The following CEP97 variants were observed in gnomAD, a reference collection of about 807,000 sequenced individuals.
CEP97 encodes the protein centrosomal protein of 97 kDa.
CEP97 carries 43 observed loss-of-function variants against 73.1 expected under a neutral mutation model. The ratio of observed to expected loss-of-function variants is 0.59; its 90% CI spans 0.46 to 0.76. The LOEUF (loss-of-function observed/expected upper bound fraction) is 0.76, where lower values mean the gene tolerates loss of function less well. Among genes scored for constraint, CEP97 ranks in the 30% least tolerant of loss-of-function variants. The pLI is 0.00. For synonymous variants in CEP97, 337 were observed against 370.0 expected (o/e 0.91, Z 1.02); for missense variants, 939 against 1,014.0 (o/e 0.93, Z 1.00).
At chr3:101,764,474 G>A (rs59865361) in intron 10 of CEP97, among the ~76,000 whole-genome samples, 2,416 of 152,244 alleles carry the variant, frequency 0.016, 58 homozygotes, top group African/African-American at 0.055. Context: ...AGCCAGGTGT[G>A]ATGGTGGGTG....
At chr3:101,764,631 A>C (rs1197887104) in intron 10 of CEP97, among the ~76,000 whole-genome samples, 1 of 149,070 alleles carries the variant, frequency 6.7e-6, no homozygotes. Context: ...AAAAAAAATT[A>C]GGCAGACATG....
chr3:101,757,618 C>T lies in CEP97; in HGVS notation c.1028-16C>T, dbSNP rs1166181829. 20 of 1,600,422 alleles carry T rather than the reference C, an allele frequency of 1.2e-5. No homozygotes were observed. Among genetic ancestry groups the T allele is most frequent in the African/African-American group, 2.7e-5 (2 of 74,578 alleles). On this transcript the variant is annotated splice_polypyrimidine_tract_variant and intron_variant, in intron 8 of 10. Transcript: ENST00000341893. ...AACATTTAGTGGTTTAAATGATACT[C>T]TGTTGATTCTTCTAGAACCCGTCAT...
intron 6 of CEP97, among the ~76,000 whole-genome samples, chr3:101,753,923 A>G (rs1396630918): frequency 6.6e-6 from 1 of 151,450 alleles, no homozygotes; most frequent in Non-Finnish European, 1.5e-5. Flanking sequence ...TCCTCTGCCC[A>G]CCGTCTGGCA....
intron 6 of CEP97, among the ~76,000 whole-genome samples, chr3:101,749,042 G>A (rs559190610): frequency 2.0e-4 from 30 of 152,040 alleles, no homozygotes; most frequent in African/African-American, 6.8e-4. Flanking sequence ...TGTGCACAAC[G>A]TGCAGGTTAG....
rs915235526 is a variant in CEP97, at chr3:101,765,165, G to C, written c.2212G>C (p.Asp738His). 3 of 1,614,168 alleles carry C rather than the reference G, an allele frequency of 1.9e-6. No homozygotes were observed. Among genetic ancestry groups the C allele is most frequent in the Non-Finnish European group, 2.5e-6 (3 of 1,180,036 alleles). The change falls in exon 11 of 11, where the codon GAC (aspartate) becomes CAC (histidine). Residue 738 changes from aspartate to histidine, a missense_variant. Transcript: ENST00000341893. ...SESSIMGNSI[D>H]TVRYGKESDL... ...AAGCTCCATAATGGGGAATTCCATTGACACAGTCAGATATGGCAAAGAATC... is the reference window on the plus strand; with the variant it reads ...AAGCTCCATAATGGGGAATTCCATTCACACAGTCAGATATGGCAAAGAATC...
chr3:101,739,200 C>T (rs1938370416), intron 6 of CEP97, among the ~76,000 whole-genome samples: 2 of 152,074 alleles, frequency 1.3e-5, no homozygotes, highest in Non-Finnish European at 2.9e-5. Context: ...CCAAAAGAAG[C>T]CCAGGACCAG....
At chr3:101,762,712 C>T (rs1576702394) in intron 10 of CEP97, 152 bp downstream of exon 10, 1 of 535,312 alleles carries the variant, frequency 1.9e-6, no homozygotes, top group East Asian at 3.3e-5. Flanking sequence ...TGAACTAGGA[C>T]AGTGAATTTT....
Position 101,728,832 on chromosome 3 carries a change from A to T in CEP97, c.346-4A>T, listed in dbSNP as rs1171372142. 11 of 1,574,332 alleles carry T rather than the reference A, an allele frequency of 7.0e-6. No individual in the cohort carries two copies. Among genetic ancestry groups the T allele is most frequent in the Non-Finnish European group, 9.6e-6 (11 of 1,144,774 alleles). On this transcript the variant is annotated splice_polypyrimidine_tract_variant and splice_region_variant and intron_variant, in intron 3 of 10. Coordinates refer to ENST00000341893, the MANE Select transcript of CEP97 (RefSeq NM_024548.4). ...TAAATAGTGTGATGCTTTTCTTGTGATAGGCCATGGAACAGATCAATAGCT... is the reference window on the plus strand; with the variant it reads ...TAAATAGTGTGATGCTTTTCTTGTGTTAGGCCATGGAACAGATCAATAGCT...
Position 101,757,729 on chromosome 3 carries a change from A to G in CEP97, c.1123A>G (p.Thr375Ala). 1.2e-6 allele frequency: 2 copies of G among 1,614,212 alleles called. No individual in the cohort carries two copies. Among genetic ancestry groups the G allele is most frequent in the Non-Finnish European group, 1.7e-6 (2 of 1,180,016 alleles). The change falls in exon 9 of 11, where the codon ACG becomes GCG. Residue 375 changes from threonine (T) to alanine (A), a missense_variant. Transcript: ENST00000341893. ...KNNFPASVHT[T>A]RYSRNDLHLE... Reference sequence around the variant, plus strand: ...TAATTTTCCAGCCTCTGTACACACTACGAGATATTCTCGAAATGATCTGCA... The same window carrying G: ...TAATTTTCCAGCCTCTGTACACACTGCGAGATATTCTCGAAATGATCTGCA...
intron 10 of CEP97, among the ~76,000 whole-genome samples, chr3:101,764,350 G>A (rs985430912): frequency 1.3e-5 from 2 of 152,070 alleles, no homozygotes; most frequent in East Asian, 3.9e-4. Flanking sequence ...GGTGGCTCAC[G>A]CCTGTAATCC....
rs768584483 is a variant in CEP97, at chr3:101,731,823, C to T, written c.448-17C>T. On this transcript the variant is annotated splice_polypyrimidine_tract_variant and intron_variant, in intron 4 of 10. Coordinates refer to ENST00000341893, the MANE Select transcript of CEP97 (RefSeq NM_024548.4). ...GTAATCTTTTCATTTGTAATTCATA[C>T]TGTTTTTACTTTCAAGACCCTGCTT... 3 of 1,384,880 alleles carry T rather than the reference C, an allele frequency of 2.2e-6. No homozygotes were observed. In the South Asian group the frequency reaches 3.6e-5, roughly 16 times the overall value. 85.8% of individuals were successfully genotyped at this position (1,384,880 alleles called of 1,614,324 possible).
chr3:101,768,993 T>G lies in CEP97; in HGVS notation c.*3442T>G, dbSNP rs1939390028. 2 of 152,228 alleles carry G rather than the reference T, an allele frequency of 1.3e-5. No individual in the cohort carries two copies. The highest frequency in any genetic ancestry group is 6.5e-5 in the Admixed American group (1 of 15,286). The allele number at this position is 152,228 out of a possible 1,614,324, so 9.4% of individuals were successfully genotyped here. A position where few individuals can be genotyped will look rare whatever the true frequency, so the allele number is the denominator to read the frequency against. On this transcript the variant is annotated 3_prime_UTR_variant, in exon 11 of 11. Transcript: ENST00000341893. ...TCGTTTGTATATATGTAAATAACTT[T>G]ATTCTGGAATAATGTGGGTGCCATC...
chr3:101,754,676 A>G (rs1264874013), intron 6 of CEP97, among the ~76,000 whole-genome samples: 2 of 151,972 alleles, frequency 1.3e-5, no homozygotes, highest in South Asian at 2.1e-4. Flanking sequence ...CTCTCAATCT[A>G]TCTGTCTTTG....
At chr3:101,734,263 A>G (rs1201804705) in intron 6 of CEP97, among the ~76,000 whole-genome samples, 1 of 152,206 alleles carries the variant, frequency 6.6e-6, no homozygotes, top group East Asian at 1.9e-4. Context: ...GATCAGTGGA[A>G]TGAGAGCTTT....
intron 6 of CEP97, among the ~76,000 whole-genome samples, chr3:101,753,684 C>T (rs1037745166): frequency 7.2e-5 from 11 of 152,210 alleles, no homozygotes; most frequent in East Asian, 1.9e-4. Context: ...AGTGAGACTC[C>T]GTGGGCGTAG....
At position 101,740,734 on chromosome 3, in the gene CEP97, C is replaced by A. The variant is rs201390687; in HGVS notation, c.728+8080C>A. ...CCTCCCTAGTAGCTGGGATTACAGG[C>A]ATGCGCCACCACGCCTGGCTAATTT... On this transcript the variant is annotated intron_variant, in intron 6 of 10. Transcript: ENST00000341893. Among the ~76,000 whole-genome samples the A allele has an allele frequency of 2.6e-5, 4 of 152,126 alleles. No homozygotes were observed. The East Asian group carries it at 7.7e-4, about 29-fold the overall frequency.
intron 6 of CEP97, among the ~76,000 whole-genome samples, chr3:101,751,783 T>G (rs28844876): frequency 6.6e-6 from 1 of 152,242 alleles, no homozygotes; most frequent in East Asian, 1.9e-4. Context: ...TCCTCCATCC[T>G]TTTATTTTGA....
chr3:101,746,061 C>T (rs940489555), intron 6 of CEP97, among the ~76,000 whole-genome samples: 17 of 152,092 alleles, frequency 1.1e-4, no homozygotes, highest in African/African-American at 4.1e-4. Flanking sequence ...CAATTTCATC[C>T]ATGTCCCTAC....
At chr3:101,748,129 CAAAAAA>C (rs71625598) in intron 6 of CEP97, among the ~76,000 whole-genome samples, 40 of 53,914 alleles carry the variant, frequency 7.4e-4, no homozygotes, top group South Asian at 9.5e-4. Context: ...GACCTTGTCT[CAAAAAA>C]AAAAAAAAAA....
Sources: gnomAD v4.1 joint callset for allele counts (sites outside exome capture counted in the v4.1 genomes callset) on GRCh38, gnomAD v4.1.1 for gene constraint, MANE v1.5 for transcripts, NCBI Gene and HGNC (gene_info 2026-07-23, HGNC 2026-07-21) for gene names.